Variants in TXNDC9 observed in about 807,000 individuals in gnomAD.
The protein encoded by TXNDC9 is thioredoxin domain containing 9.
Under a neutral mutation model 23.0 loss-of-function variants are expected in TXNDC9, and 7 were observed. The ratio of observed to expected loss-of-function variants is 0.30; its 90% CI spans 0.17 to 0.57. The LOEUF is 0.57. Among genes scored for constraint, TXNDC9 ranks in the 20% least tolerant of loss-of-function variants. TXNDC9 has a pLI of 0.90. For missense variants in TXNDC9, 198 were observed against 252.6 expected (o/e 0.78, Z 1.47); for synonymous variants, 72 against 90.6 (o/e 0.79, Z 1.17).
At chr2:99,312,073 G>C in the TXNDC9 span, among the ~76,000 whole-genome samples, 1 of 152,082 alleles carries the variant, frequency 6.6e-6, no homozygotes, top group Non-Finnish European at 1.5e-5. Flanking sequence ...AGAAAGTAGG[G>C]ATGGAAGACC....
chr2:99,332,443 A>G (rs1271163504), intron 2 of TXNDC9, among the ~76,000 whole-genome samples: 1 of 152,186 alleles, frequency 6.6e-6, no homozygotes, highest in African/African-American at 2.4e-5. Flanking sequence ...ACTCCATCTC[A>G]AAAAGCAGAA....
the TXNDC9 span, among the ~76,000 whole-genome samples, chr2:99,306,420 T>A: frequency 6.6e-6 from 1 of 151,774 alleles, no homozygotes; most frequent in Non-Finnish European, 1.5e-5. Flanking sequence ...CCCTGAGGGG[T>A]TAGATAAAAA....
chr2:99,336,218 T>C, intron 1 of TXNDC9, 21 bp downstream of exon 1: 1 of 984,268 alleles, frequency 1.0e-6, no homozygotes, highest in Non-Finnish European at 1.2e-6. Context: ...GTCGGATTCT[T>C]CTCACTACCC....
the TXNDC9 span, among the ~76,000 whole-genome samples, chr2:99,306,574 G>C: frequency 4.6e-5 from 7 of 152,128 alleles, no homozygotes; most frequent in Non-Finnish European, 1.0e-4. Flanking sequence ...TCCACAACTT[G>C]GGAAGGAATC....
intron 1 of TXNDC9, among the ~76,000 whole-genome samples, chr2:99,333,609 A>G (rs1161997634): frequency 6.6e-6 from 1 of 152,258 alleles, no homozygotes; most frequent in Non-Finnish European, 1.5e-5. Context: ...AATGGGAAAG[A>G]GAAATCAGAA....
chr2:99,327,243 T>C (rs2094214676), intron 3 of TXNDC9, among the ~76,000 whole-genome samples: 2 of 152,024 alleles, frequency 1.3e-5, no homozygotes, highest in African/African-American at 4.8e-5. Flanking sequence ...CGGCTAATTT[T>C]GTAGTTTTAG....
intron 4 of TXNDC9, 123 bp downstream of exon 4, chr2:99,321,832 A>G: frequency 8.9e-7 from 1 of 1,123,926 alleles, no homozygotes; most frequent in Non-Finnish European, 1.2e-6. Context: ...CCTTTGAGAA[A>G]CTTTCCACAT....
the TXNDC9 span, chr2:99,306,742 G>A: frequency 2.2e-6 from 1 of 450,904 alleles, no homozygotes; most frequent in South Asian, 1.6e-5. Flanking sequence ...ATCTCTCGGT[G>A]GTTCAGAACA....
At chr2:99,322,771 AT>A (rs1362076450) in intron 3 of TXNDC9, 12 of 1,334,152 alleles carry the variant, frequency 9.0e-6, no homozygotes, top group Non-Finnish European at 9.7e-6. Context: ...TTTATTTTTT[AT>A]TTTTTTGGAG....
chr2:99,335,561 AT>A (rs1559238089), intron 1 of TXNDC9, among the ~76,000 whole-genome samples: 1 of 151,282 alleles, frequency 6.6e-6, no homozygotes, highest in Non-Finnish European at 1.5e-5. Flanking sequence ...CACAGCAAAG[AT>A]TTCCACGCTC....
At chr2:99,319,851 T>G in intron 4 of TXNDC9, 52 bp from the exon 5 acceptor site, 5 of 1,063,548 alleles carry the variant, frequency 4.7e-6, no homozygotes, top group Non-Finnish European at 6.9e-6. Flanking sequence ...ACTAGTATAC[T>G]AAACTGCACA....
chr2:99,332,759 C>G (rs1280003139), intron 2 of TXNDC9: 1 of 394,888 alleles, frequency 2.5e-6, no homozygotes. Flanking sequence ...GCCCTCCATT[C>G]AACCAAACAA....
intron 3 of TXNDC9, among the ~76,000 whole-genome samples, chr2:99,324,150 G>A (rs1332269986): frequency 1.3e-5 from 2 of 152,116 alleles, no homozygotes; most frequent in Non-Finnish European, 2.9e-5. Context: ...CCAGCCTGCC[G>A]TCAACTTTTA....
the TXNDC9 span, among the ~76,000 whole-genome samples, chr2:99,309,492 G>C: frequency 6.6e-6 from 1 of 151,960 alleles, no homozygotes; most frequent in African/African-American, 2.4e-5. Context: ...CTAGGAGACA[G>C]AGTGAGACCT....
At chr2:99,307,104 T>C in the TXNDC9 span, among the ~76,000 whole-genome samples, 2 of 118,728 alleles carry the variant, frequency 1.7e-5, no homozygotes, top group East Asian at 8.0e-4. Flanking sequence ...CTCTCTCTCC[T>C]TCTCACTCTC....
At chr2:99,317,002 C>T (rs567291826), downstream of TXNDC9, among the ~76,000 whole-genome samples, 11 of 152,306 alleles carry the variant, frequency 7.2e-5, no homozygotes, top group African/African-American at 1.9e-4. Flanking sequence ...GTGATCCGCC[C>T]GCCTTGGCCT....
chr2:99,313,070 G>T, the TXNDC9 span, among the ~76,000 whole-genome samples: 1 of 152,108 alleles, frequency 6.6e-6, no homozygotes, highest in Non-Finnish European at 1.5e-5. Context: ...GCTGAGGCAG[G>T]TGAATTGCTT....
At chr2:99,313,805 T>G in the TXNDC9 span, among the ~76,000 whole-genome samples, 1 of 152,242 alleles carries the variant, frequency 6.6e-6, no homozygotes, top group African/African-American at 2.4e-5. Context: ...GGTGTCCTTT[T>G]GTCCCTCCTA....
intron 1 of TXNDC9, among the ~76,000 whole-genome samples, chr2:99,333,886 T>C (rs1182328091): frequency 6.6e-6 from 1 of 152,216 alleles, no homozygotes; most frequent in Non-Finnish European, 1.5e-5. Context: ...TAATACTGGT[T>C]TCCATTTACT....
Sources: gnomAD v4.1 joint callset for allele counts (sites outside exome capture counted in the v4.1 genomes callset) on GRCh38, gnomAD v4.1.1 for gene constraint, MANE v1.5 for transcripts, NCBI Gene and HGNC (gene_info 2026-07-23, HGNC 2026-07-21) for gene names.